CBLB: variants seen among roughly 807,000 people sequenced by gnomAD.
The protein encoded by CBLB is Cbl proto-oncogene B.
A neutral mutation model predicts 104.9 loss-of-function variants in CBLB; 31 were observed. The observed-to-expected ratio is 0.30, with a 90% CI of 0.22 to 0.40. The LOEUF (loss-of-function observed/expected upper bound fraction) is 0.40. CBLB is among the 10% of genes least tolerant of loss of function. CBLB has a pLI of 1.00. For synonymous variants in CBLB, 440 were observed against 422.6 expected (o/e 1.04, Z -0.51); for missense variants, 1,062 against 1,214.6 (o/e 0.87, Z 1.87).
At chr3:105,667,558 A>C (rs2064609849) in intron 18 of CBLB, among the ~76,000 whole-genome samples, 1 of 152,182 alleles carries the variant, frequency 6.6e-6, no homozygotes, top group African/African-American at 2.4e-5. Context: ...CATATATTTA[A>C]ATTTCAATTA....
chr3:105,841,115 GAAACCCTATCTCTACAA>G (rs1487044107), intron 3 of CBLB, among the ~76,000 whole-genome samples: 1 of 152,042 alleles, frequency 6.6e-6, no homozygotes, highest in East Asian at 2.0e-4. Flanking sequence ...CCAACATGGT[GAAACCCTATCTCTACAA>G]AAATACAAAA....
At chr3:105,729,684 T>A (rs2074094346) in intron 9 of CBLB, among the ~76,000 whole-genome samples, 1 of 152,020 alleles carries the variant, frequency 6.6e-6, no homozygotes, top group Admixed American at 6.6e-5. Context: ...TATAATTTTG[T>A]TCTTCTTACT....
intron 18 of CBLB, among the ~76,000 whole-genome samples, chr3:105,661,549 T>C (rs2063789447): frequency 6.6e-6 from 1 of 152,192 alleles, no homozygotes; most frequent in African/African-American, 2.4e-5. Flanking sequence ...ATTAACTTGT[T>C]TTCTACGGGT....
At position 105,659,249 on chromosome 3, in the gene CBLB, G is replaced by C. The variant is rs762424489; in HGVS notation, c.2690-20C>G. 6.8e-6 allele frequency: 11 copies of C among 1,611,284 alleles called. No homozygotes were observed. Among genetic ancestry groups the C allele is most frequent in the South Asian group, 6.6e-5 (6 of 90,996 alleles). The stretch of plus-strand genomic sequence containing the variant: ...AACCATCTGTGTAGATTTTTAAAGA[G>C]AGATACTATTTAAACAGTGAAATAA... On this transcript the variant is annotated intron_variant, in intron 18 of 18. Coordinates refer to ENST00000394030, the MANE Select transcript of CBLB (RefSeq NM_170662.5).
intron 5 of CBLB, among the ~76,000 whole-genome samples, chr3:105,749,348 T>G (rs2076392190): frequency 1.3e-5 from 2 of 152,218 alleles, no homozygotes; most frequent in Admixed American, 6.5e-5. Context: ...ATAAAACTTT[T>G]CACAGTAGCT....
At chr3:105,830,005 C>G (rs887560659) in intron 3 of CBLB, among the ~76,000 whole-genome samples, 8 of 152,052 alleles carry the variant, frequency 5.3e-5, no homozygotes, top group Non-Finnish European at 1.0e-4. Context: ...ATTTGCTTCC[C>G]TTTTCACTAG....
intron 14 of CBLB, among the ~76,000 whole-genome samples, chr3:105,682,634 G>C (rs929617255): frequency 7.9e-5 from 12 of 152,094 alleles, no homozygotes; most frequent in African/African-American, 2.9e-4. Flanking sequence ...AGCCTCCCAA[G>C]TAGCTGGGAT....
intron 3 of CBLB, among the ~76,000 whole-genome samples, chr3:105,828,910 CAAG>C (rs1009947979): frequency 6.6e-6 from 1 of 152,080 alleles, no homozygotes; most frequent in African/African-American, 2.4e-5. Flanking sequence ...AAAGACAGTT[CAAG>C]AAGGTGAGAA....
intron 3 of CBLB, among the ~76,000 whole-genome samples, chr3:105,782,184 TC>T (rs977770886): frequency 6.6e-6 from 1 of 152,090 alleles, no homozygotes; most frequent in African/African-American, 2.4e-5. Flanking sequence ...CCTTACCCAT[TC>T]CCCCTGCCCA....
chr3:105,845,021 G>A (rs190995595), intron 3 of CBLB, among the ~76,000 whole-genome samples: 1 of 152,060 alleles, frequency 6.6e-6, no homozygotes, highest in South Asian at 2.1e-4. Context: ...TCTTTCTTGA[G>A]TGCTTCTGGA....
chr3:105,805,302 AT>A (rs1221623767), intron 3 of CBLB, among the ~76,000 whole-genome samples: 1,879 of 138,582 alleles, frequency 0.014, 26 homozygotes, highest in East Asian at 0.054. Context: ...ATGGCCCCCA[AT>A]TTTTTTTTTT....
At chr3:105,731,290 T>A (rs1433694885) in intron 9 of CBLB, among the ~76,000 whole-genome samples, 1 of 152,204 alleles carries the variant, frequency 6.6e-6, no homozygotes, top group African/African-American at 2.4e-5. Flanking sequence ...CAGTAAGTCC[T>A]CAATTAATAT....
intron 3 of CBLB, among the ~76,000 whole-genome samples, chr3:105,853,133 T>C (rs1483103399): frequency 6.6e-6 from 1 of 152,212 alleles, no homozygotes; most frequent in Non-Finnish European, 1.5e-5. Flanking sequence ...ACTGTATAGA[T>C]TTGCAGCCTA....
At chr3:105,740,458 A>G (rs766146599) in intron 7 of CBLB, 36 bp downstream of exon 7, 2 of 1,612,092 alleles carry the variant, frequency 1.2e-6, no homozygotes, top group South Asian at 2.2e-5. Context: ...AAATTCATGA[A>G]TCATAAGCAC....
At chr3:105,846,226 C>A (rs780463209) in intron 3 of CBLB, among the ~76,000 whole-genome samples, 4 of 151,826 alleles carry the variant, frequency 2.6e-5, no homozygotes, top group African/African-American at 4.8e-5. Context: ...TTGTCCTCAT[C>A]AAATTCAAAA....
intron 13 of CBLB, 132 bp from the exon 14 acceptor site, chr3:105,685,598 AG>A (rs2066909102): frequency 2.7e-6 from 2 of 750,312 alleles, no homozygotes; most frequent in South Asian, 3.0e-5. Context: ...GTATCATCAG[AG>A]AAGCTGTTCT....
chr3:105,675,754 G>A (rs2065553515), intron 17 of CBLB, among the ~76,000 whole-genome samples: 1 of 151,718 alleles, frequency 6.6e-6, no homozygotes, highest in Admixed American at 6.6e-5. Flanking sequence ...GTGTAGTGGT[G>A]CACACCTGTA....
intron 13 of CBLB, among the ~76,000 whole-genome samples, chr3:105,690,813 C>T (rs1220475747): frequency 6.9e-6 from 1 of 145,866 alleles, no homozygotes; most frequent in Non-Finnish European, 1.5e-5. Flanking sequence ...CAGAGTGAGA[C>T]TCCATCTCAA....
chr3:105,757,673 A>T (rs1455772873), intron 4 of CBLB, among the ~76,000 whole-genome samples: 4 of 152,250 alleles, frequency 2.6e-5, no homozygotes, highest in African/African-American at 9.6e-5. Flanking sequence ...ATCTAAGACT[A>T]AAAATCAGAT....
Sources: gnomAD v4.1 joint callset for allele counts (sites outside exome capture counted in the v4.1 genomes callset) on GRCh38, gnomAD v4.1.1 for gene constraint, MANE v1.5 for transcripts, NCBI Gene and HGNC (gene_info 2026-07-23, HGNC 2026-07-21) for gene names.